The following ZNF800 variants were observed in gnomAD, a reference collection of about 807,000 sequenced individuals.
The protein encoded by ZNF800 is zinc finger protein 800.
Under a neutral mutation model 59.5 loss-of-function variants are expected in ZNF800, and 13 were observed. The ratio of observed to expected loss-of-function variants is 0.22; its 90% confidence interval spans 0.14 to 0.35. The LOEUF is 0.35. Ranked by LOEUF, ZNF800 falls within the 10% of genes least tolerant of loss-of-function variation. ZNF800 has a pLI of 1.00. For missense variants in ZNF800, 621 were observed against 783.7 expected (o/e 0.79, Z 2.48); for synonymous variants, 266 against 265.7 (o/e 1.00, Z -0.01).
chr7:127,379,069 AGTCCTTATT>A (rs1257881527), intron 3 of ZNF800, among the ~76,000 whole-genome samples: 3 of 152,188 alleles, frequency 2.0e-5, no homozygotes, highest in African/African-American at 7.2e-5. Context: ...TTACTCCACT[AGTCCTTATT>A]ACCACAAAAT....
At chr7:127,356,472 T>C (rs1222732221) in intron 1 of ZNF800, among the ~76,000 whole-genome samples, 1 of 152,076 alleles carries the variant, frequency 6.6e-6, no homozygotes, top group Non-Finnish European at 1.5e-5. Flanking sequence ...TTTTGATTTT[T>C]GTTACAATCC....
intron 3 of ZNF800, among the ~76,000 whole-genome samples, chr7:127,381,787 G>T (rs1800984866): frequency 6.6e-6 from 1 of 151,836 alleles, no homozygotes. Context: ...AACAAAAAAA[G>T]AAAAAGCCAT....
intron 1 of ZNF800, among the ~76,000 whole-genome samples, chr7:127,356,628 A>ATGGT (rs1216737548): frequency 1.3e-5 from 2 of 152,052 alleles, no homozygotes; most frequent in East Asian, 3.8e-4. Context: ...TATGGTTAAT[A>ATGGT]TAATTGTGTG....
chr7:127,371,563 T>C lies in ZNF800; in HGVS notation c.*251A>G, dbSNP rs1800632237. Reference sequence around the variant, plus strand: ...CCAAATGCACAAGGTCAAGGGTGGATAGCTGATGGACTGTGATGACAACAT... The same window carrying C: ...CCAAATGCACAAGGTCAAGGGTGGACAGCTGATGGACTGTGATGACAACAT... On this transcript the variant is annotated 3_prime_UTR_variant, in exon 6 of 6. Coordinates refer to ENST00000265827, the MANE Select transcript of ZNF800 (RefSeq NM_176814.5). 4 of 359,320 alleles carry C rather than the reference T, an allele frequency of 1.1e-5. No homozygotes were observed. The highest frequency in any genetic ancestry group is 4.2e-5 in the African/African-American group (2 of 47,750). 22.3% of individuals were successfully genotyped at this position (359,320 alleles called of 1,614,324 possible).
At chr7:127,349,212 T>A (rs1318128459) in intron 1 of ZNF800, among the ~76,000 whole-genome samples, 8 of 152,222 alleles carry the variant, frequency 5.3e-5, no homozygotes. Context: ...AATCTCTCTT[T>A]AGTTTGAAAT....
rs779021261 is a variant in ZNF800 at position 127,374,790 on chromosome 7, C to G, written c.546G>C (p.Pro182=). 3 of 1,613,200 alleles carry G rather than the reference C, an allele frequency of 1.9e-6. No homozygotes were observed. The African/African-American group carries it at 4.0e-5, about 22-fold the overall frequency. Residue 182 remains proline, a synonymous_variant, in exon 5 of 6, where the codon CCG becomes CCC. Transcript: ENST00000265827. The part of the protein sequence containing the change: ...ETSTEQSKTV[P]VTDTEVETVE... ...CAGTTTCCACCTCTGTATCTGTAACCGGTACTGTTTTTGACTGTTCAGTGC... is the reference window on the plus strand; with the variant it reads ...CAGTTTCCACCTCTGTATCTGTAACGGGTACTGTTTTTGACTGTTCAGTGC...
chr7:127,380,908 T>C (rs532039916), intron 3 of ZNF800, among the ~76,000 whole-genome samples: 3 of 152,210 alleles, frequency 2.0e-5, no homozygotes, highest in Non-Finnish European at 2.9e-5. Flanking sequence ...GACTGTATAT[T>C]CCAGATTTTC....
downstream of ZNF800, among the ~76,000 whole-genome samples, chr7:127,345,841 C>A (rs1426131341): frequency 1.3e-5 from 2 of 152,032 alleles, no homozygotes; most frequent in South Asian, 4.1e-4. Context: ...CACAATATCC[C>A]GGTAGGAAAG....
rs1276201485 is a variant in ZNF800, at chr7:127,392,050, C to T, written c.-59+10G>A. 2 of 389,224 alleles carry T rather than the reference C, an allele frequency of 5.1e-6. No homozygotes were observed. The highest frequency in any genetic ancestry group is 6.5e-4 in the Middle Eastern group (1 of 1,540). 24.1% of individuals were successfully genotyped at this position (389,224 alleles called of 1,614,324 possible). Reference sequence around the variant, plus strand: ...GACCCCGTCCCCACAACCAAGTGCGCCCAACTTACTCAACTCTTAGGGCGG... The same window carrying T: ...GACCCCGTCCCCACAACCAAGTGCGTCCAACTTACTCAACTCTTAGGGCGG... On this transcript the variant is annotated intron_variant, in intron 1 of 5. Coordinates refer to ENST00000265827, the MANE Select transcript of ZNF800 (RefSeq NM_176814.5).
chr7:127,386,032 T>A, intron 3 of ZNF800, 28 bp downstream of exon 3: 1 of 1,532,632 alleles, frequency 6.5e-7, no homozygotes, highest in Non-Finnish European at 9.0e-7. Context: ...ATGTGAAGAT[T>A]GAAAAATATA....
At chr7:127,391,384 C>T (rs1801309287) in intron 2 of ZNF800, 113 bp downstream of exon 2, 1 of 1,045,740 alleles carries the variant, frequency 9.6e-7, no homozygotes. Context: ...TAGGGAATAT[C>T]ATAGCCTGCT....
At chr7:127,385,993 T>C in intron 3 of ZNF800, 67 bp downstream of exon 3, 1 of 1,018,854 alleles carries the variant, frequency 9.8e-7, no homozygotes, top group Middle Eastern at 2.1e-4. Context: ...AAATTATTTC[T>C]AAGGACTTCT....
intron 1 of ZNF800, among the ~76,000 whole-genome samples, chr7:127,358,356 T>C (rs1001082225): frequency 5.3e-5 from 8 of 151,932 alleles, no homozygotes; most frequent in African/African-American, 1.7e-4. Flanking sequence ...TGTAGTCTCA[T>C]TGCCAAAACC....
At chr7:127,356,800 A>G (rs1800280405) in intron 1 of ZNF800, among the ~76,000 whole-genome samples, 1 of 151,964 alleles carries the variant, frequency 6.6e-6, no homozygotes, top group African/African-American at 2.4e-5. Flanking sequence ...ACTCTAGATC[A>G]TAAGGGAATA....
intron 4 of ZNF800, among the ~76,000 whole-genome samples, chr7:127,376,924 T>C (rs1164455245): frequency 6.6e-6 from 1 of 152,004 alleles, no homozygotes; most frequent in East Asian, 1.9e-4. Context: ...TATAAATAAA[T>C]ATCCTCTTAA....
chr7:127,362,739 C>G (rs1800419144), intron 1 of ZNF800: 1 of 152,062 alleles, frequency 6.6e-6, no homozygotes, highest in Non-Finnish European at 1.5e-5. Context: ...ATGAAACAAA[C>G]AACAAAGAAG....
chr7:127,375,600 C>T (rs894238361), intron 4 of ZNF800, among the ~76,000 whole-genome samples: 3 of 152,052 alleles, frequency 2.0e-5, no homozygotes, highest in African/African-American at 7.2e-5. Context: ...ATTTGCTAAA[C>T]TCAGTCCTAT....
intron 2 of ZNF800, among the ~76,000 whole-genome samples, chr7:127,390,494 G>A (rs1318921829): frequency 6.6e-6 from 1 of 152,096 alleles, no homozygotes; most frequent in African/African-American, 2.4e-5. Flanking sequence ...TTCTTAAAAT[G>A]GAAGCTCTTC....
intron 1 of ZNF800, among the ~76,000 whole-genome samples, chr7:127,353,315 A>G (rs1800204710): frequency 6.6e-6 from 1 of 152,192 alleles, no homozygotes; most frequent in Admixed American, 6.5e-5. Context: ...TGACTTAATC[A>G]CAGTTCTTGA....
Sources: allele counts gnomAD v4.1 joint callset (sites outside exome capture counted in the v4.1 genomes callset), GRCh38; gene constraint gnomAD v4.1.1; transcripts MANE v1.5; gene names NCBI Gene and HGNC (gene_info 2026-07-23, HGNC 2026-07-21).